PRIM2: variants seen among roughly 807,000 people sequenced by gnomAD.
PRIM2 encodes the protein DNA primase large subunit.
A neutral mutation model predicts 67.3 loss-of-function variants in PRIM2; 39 were observed. That is an observed-to-expected ratio of 0.58 (90% CI 0.45 to 0.76). The LOEUF (loss-of-function observed/expected upper bound fraction) is 0.76. Ranked by LOEUF, PRIM2 falls within the 30% of genes least tolerant of loss-of-function variation. The pLI, the probability that PRIM2 is intolerant of heterozygous loss-of-function variation, is 0.00. For missense variants in PRIM2, 398 were observed against 598.7 expected, an observed-to-expected ratio of 0.66 and a Z score of 3.50; for synonymous variants, 143 against 198.7, an observed-to-expected ratio of 0.72 and a Z score of 2.36.
Position 57,646,449 on chromosome 6 carries a change from G to A in PRIM2, c.*291G>A, listed in dbSNP as rs1180272989. 3.2e-5 allele frequency: 10 copies of A among 309,278 alleles called. No individual in the cohort carries two copies. Among genetic ancestry groups the A allele is most frequent in the East Asian group, 7.0e-5 (1 of 14,366 alleles). The allele number at this position is 309,278 out of a possible 1,614,324, so 19.2% of individuals were successfully genotyped here. ...AGATCTCAGACTCCTGGGCTCAAGC[G>A]ATCCTCACACCTCAGCGTCCCAGAG... On this transcript the variant is annotated 3_prime_UTR_variant, in exon 14 of 14. Coordinates refer to ENST00000615550, the MANE Select transcript of PRIM2 (RefSeq NM_000947.5).
At chr6:57,631,878 A>T (rs1301712957) in intron 12 of PRIM2, among the ~76,000 whole-genome samples, 2 of 152,324 alleles carry the variant, frequency 1.3e-5, no homozygotes, top group African/African-American at 4.8e-5. Flanking sequence ...AGGTAAAGTT[A>T]TTAAAATGTA....
intron 7 of PRIM2, among the ~76,000 whole-genome samples, chr6:57,466,336 C>A (rs1370236089): frequency 1.3e-5 from 2 of 152,134 alleles, no homozygotes; most frequent in Non-Finnish European, 2.9e-5. Context: ...GGTATATACC[C>A]AGTAATGGGA....
At chr6:57,281,435 G>A in the PRIM2 span, among the ~76,000 whole-genome samples, 1 of 152,024 alleles carries the variant, frequency 6.6e-6, no homozygotes, top group Non-Finnish European at 1.5e-5. Context: ...GAGGGTTCCC[G>A]TTTCTCCACA....
chr6:57,578,685 T>G (rs1226770060), intron 10 of PRIM2, among the ~76,000 whole-genome samples: 34 of 137,396 alleles, frequency 2.5e-4, no homozygotes, highest in Non-Finnish European at 3.0e-4. Context: ...TGTTTTTTTT[T>G]TTTTTTTTTG....
At position 57,440,180 on chromosome 6, in the gene PRIM2, T is replaced by C. The variant is rs188699819; in HGVS notation, c.693+58012T>C. Among the ~76,000 whole-genome samples the C allele has an allele frequency of 1.1e-3, 173 of 151,578 alleles. 1 individual carries two copies. The highest frequency in any genetic ancestry group is 4.0e-3 in the African/African-American group (165 of 41,306). Reference sequence around the variant, plus strand: ...AGCTCAAATTGTATTATATTTTATTTTTAGGAGGACCTTTTATTTTTTTCT... The same window carrying C: ...AGCTCAAATTGTATTATATTTTATTCTTAGGAGGACCTTTTATTTTTTTCT... On this transcript the variant is annotated intron_variant, in intron 7 of 13. Transcript: ENST00000615550.
intron 5 of PRIM2, among the ~76,000 whole-genome samples, chr6:57,337,175 A>G (rs963231309): frequency 3.9e-5 from 6 of 152,150 alleles, no homozygotes; most frequent in Admixed American, 2.6e-4. Context: ...CTAAATATAT[A>G]TGCACCCAAT....
At chr6:57,298,503 A>T in the PRIM2 span, among the ~76,000 whole-genome samples, 43 of 152,206 alleles carry the variant, frequency 2.8e-4, no homozygotes, top group Non-Finnish European at 5.0e-4. Context: ...GGCTGGGCAC[A>T]GGTGGGGCCT....
chr6:57,563,423 G>C (rs1291733021), intron 10 of PRIM2, among the ~76,000 whole-genome samples: 1 of 151,834 alleles, frequency 6.6e-6, no homozygotes, highest in African/African-American at 2.4e-5. Flanking sequence ...GTTAGTGTCA[G>C]AAAAAGCAGC....
At chr6:57,470,915 A>C (rs1434547199) in intron 7 of PRIM2, among the ~76,000 whole-genome samples, 2 of 152,188 alleles carry the variant, frequency 1.3e-5, no homozygotes, top group East Asian at 3.9e-4. Context: ...AGGTTAAATA[A>C]GAGGAAGCTA....
chr6:57,369,209 A>G (rs886438130), intron 5 of PRIM2, among the ~76,000 whole-genome samples: 1 of 152,200 alleles, frequency 6.6e-6, no homozygotes, highest in Admixed American at 6.5e-5. Context: ...TTGCCTCTCT[A>G]GAGCTGCTCC....
intron 7 of PRIM2, among the ~76,000 whole-genome samples, chr6:57,455,686 A>C (rs1168530056): frequency 6.6e-6 from 1 of 152,178 alleles, no homozygotes; most frequent in East Asian, 1.9e-4. Context: ...GTGTCTCCGC[A>C]TGTGAGATGG....
intron 7 of PRIM2, among the ~76,000 whole-genome samples, chr6:57,455,973 C>T (rs527975867): frequency 6.6e-6 from 1 of 152,082 alleles, no homozygotes; most frequent in Admixed American, 6.6e-5. Flanking sequence ...TCTTTTAGGG[C>T]AGGCCTGGTG....
intron 7 of PRIM2, among the ~76,000 whole-genome samples, chr6:57,473,209 G>A (rs1413979512): frequency 3.3e-5 from 5 of 152,162 alleles, no homozygotes; most frequent in African/African-American, 1.2e-4. Flanking sequence ...CTTTAAATGG[G>A]CTTTGCTGAA....
At chr6:57,246,623 A>G in the PRIM2 span, among the ~76,000 whole-genome samples, 1 of 152,148 alleles carries the variant, frequency 6.6e-6, no homozygotes, top group South Asian at 2.1e-4. Context: ...TAATAAATCC[A>G]TGCCTGTACT....
At chr6:57,301,037 C>G in the PRIM2 span, among the ~76,000 whole-genome samples, 1 of 152,182 alleles carries the variant, frequency 6.6e-6, no homozygotes, top group Non-Finnish European at 1.5e-5. Context: ...ATCTGACGGT[C>G]CTAAGAACAG....
intron 5 of PRIM2, among the ~76,000 whole-genome samples, chr6:57,340,213 C>T (rs958122157): frequency 1.3e-5 from 2 of 152,168 alleles, no homozygotes; most frequent in African/African-American, 4.8e-5. Context: ...ACAACAGGTG[C>T]TGGAGAGGAT....
At chr6:57,356,931 CT>C (rs761605036) in intron 5 of PRIM2, among the ~76,000 whole-genome samples, 14,463 of 120,700 alleles carry the variant, frequency 0.12, 487 homozygotes, top group African/African-American at 0.17. Flanking sequence ...CCAATCCATT[CT>C]TTTTTTTTTT....
At chr6:57,548,087 A>G (rs1300419005) in intron 10 of PRIM2, among the ~76,000 whole-genome samples, 1 of 152,204 alleles carries the variant, frequency 6.6e-6, no homozygotes, top group Non-Finnish European at 1.5e-5. Flanking sequence ...TGTTTTAACT[A>G]CTACCCTGTC....
At chr6:57,293,596 T>A in the PRIM2 span, among the ~76,000 whole-genome samples, 1 of 152,162 alleles carries the variant, frequency 6.6e-6, no homozygotes, top group Non-Finnish European at 1.5e-5. Flanking sequence ...CACATGTCCA[T>A]CAATGATAGA....
Sources: gnomAD v4.1 joint callset for allele counts (sites outside exome capture counted in the v4.1 genomes callset) on GRCh38, gnomAD v4.1.1 for gene constraint, MANE v1.5 for transcripts, NCBI Gene and HGNC (gene_info 2026-07-23, HGNC 2026-07-21) for gene names.